DLG2: variants seen among roughly 807,000 people sequenced by gnomAD.
DLG2 encodes the protein disks large homolog 2.
A neutral mutation model predicts 132.5 loss-of-function variants in DLG2; 45 were observed. The ratio of observed to expected loss-of-function variants is 0.34; its 90% CI spans 0.27 to 0.44. The LOEUF (loss-of-function observed/expected upper bound fraction) is 0.44, where lower values mean the gene tolerates loss of function less well. Ranked by LOEUF, DLG2 falls within the 20% of genes least tolerant of loss-of-function variation. The pLI is 1.00. For synonymous variants in DLG2, 424 were observed against 419.6 expected (o/e 1.01, Z -0.13); for missense variants, 1,045 against 1,196.9 (o/e 0.87, Z 1.87).
intron 21 of DLG2, among the ~76,000 whole-genome samples, chr11:83,498,774 CT>C (rs34217800): frequency 0.38 from 54,735 of 143,344 alleles, 10,040 homozygotes; most frequent in Middle Eastern, 0.49. Context: ...GAAGAAAAAT[CT>C]TTTTTTTTTT....
intron 6 of DLG2, among the ~76,000 whole-genome samples, chr11:84,701,964 A>T (rs2059272798): frequency 6.6e-6 from 1 of 150,998 alleles, no homozygotes; most frequent in Non-Finnish European, 1.5e-5. Context: ...CATCCTATGA[A>T]CTCTAATGGA....
At chr11:84,413,000 T>A (rs931597575) in intron 7 of DLG2, among the ~76,000 whole-genome samples, 2 of 152,258 alleles carry the variant, frequency 1.3e-5, no homozygotes, top group East Asian at 3.8e-4. Context: ...TTTCTTAGTA[T>A]GCATGCCTTC....
chr11:83,587,459 T>C (rs1245594413), intron 19 of DLG2, among the ~76,000 whole-genome samples: 1 of 152,102 alleles, frequency 6.6e-6, no homozygotes, highest in Non-Finnish European at 1.5e-5. Flanking sequence ...TTAACAGAGA[T>C]AAGATATTGC....
chr11:84,977,764 C>G lies in DLG2; in HGVS notation c.357+133897G>C, dbSNP rs180752032. On this transcript the variant is annotated intron_variant, in intron 6 of 27. Coordinates refer to ENST00000376104, the MANE Select transcript of DLG2 (RefSeq NM_001142699.3). ...TAACACAGGTTTTGTAAAGGCTATGCCTTAATGCATATATTTAACAGGGAA... is the reference window on the plus strand; with the variant it reads ...TAACACAGGTTTTGTAAAGGCTATGGCTTAATGCATATATTTAACAGGGAA... Among the ~76,000 whole-genome samples the G allele has an allele frequency of 2.1e-3, 318 of 152,150 alleles. 2 individuals are homozygous for G. The highest frequency in any genetic ancestry group is 7.4e-3 in the African/African-American group (309 of 41,492).
At chr11:83,790,845 GAA>G (rs2041341769) in intron 17 of DLG2, 1 of 748,206 alleles carries the variant, frequency 1.3e-6, no homozygotes, top group African/African-American at 1.7e-5. Context: ...CATGGTAGAA[GAA>G]CTGTCCAGAC....
At chr11:84,318,421 A>G (rs1476927568) in intron 7 of DLG2, among the ~76,000 whole-genome samples, 1 of 152,230 alleles carries the variant, frequency 6.6e-6, no homozygotes, top group Non-Finnish European at 1.5e-5. Context: ...AGTACCTAAC[A>G]AAGATTATAT....
At chr11:83,517,482 C>G (rs942594755) in intron 21 of DLG2, among the ~76,000 whole-genome samples, 1 of 152,164 alleles carries the variant, frequency 6.6e-6, no homozygotes, top group African/African-American at 2.4e-5. Flanking sequence ...TTCTTTAGCT[C>G]GGAGTAGTTT....
rs76679561 is a variant in DLG2 at position 85,239,677 on chromosome 11, T to G, written c.186+45543A>C. On this transcript the variant is annotated intron_variant, in intron 4 of 27. Coordinates refer to ENST00000376104, the MANE Select transcript of DLG2 (RefSeq NM_001142699.3). ...TCCTATTTATATAATCTTTTGGGAC[T>G]CCCTTTTTCCCTCAGTATTACATTG... Among the ~76,000 whole-genome samples the G allele has an allele frequency of 6.6e-3, 1,009 of 152,128 alleles. 10 individuals are homozygous for G. Among genetic ancestry groups the G allele is most frequent in the African/African-American group, 0.023 (969 of 41,554 alleles).
At chr11:85,030,069 C>G (rs2060880704) in intron 6 of DLG2, among the ~76,000 whole-genome samples, 1 of 152,208 alleles carries the variant, frequency 6.6e-6, no homozygotes, top group Non-Finnish European at 1.5e-5. Flanking sequence ...ATTGACTGCA[C>G]TGGAGTCTAC....
intron 6 of DLG2, among the ~76,000 whole-genome samples, chr11:85,034,211 G>A (rs60540551): frequency 0.081 from 12,246 of 151,740 alleles, 799 homozygotes; most frequent in Non-Finnish European, 0.1. Flanking sequence ...CCGAGTAGCT[G>A]GGACCACAGG....
At chr11:84,954,985 A>G (rs148101523) in intron 6 of DLG2, among the ~76,000 whole-genome samples, 113 of 152,318 alleles carry the variant, frequency 7.4e-4, no homozygotes, top group African/African-American at 2.6e-3. Flanking sequence ...GATAACCTCT[A>G]TCACAATTAC....
intron 6 of DLG2, among the ~76,000 whole-genome samples, chr11:85,086,273 A>C (rs1309913316): frequency 6.6e-6 from 1 of 152,070 alleles, no homozygotes; most frequent in Non-Finnish European, 1.5e-5. Flanking sequence ...TTACTTATCC[A>C]ATTTCTTTTA....
At chr11:83,531,917 A>G (rs1361530292) in intron 21 of DLG2, among the ~76,000 whole-genome samples, 1 of 148,764 alleles carries the variant, frequency 6.7e-6, no homozygotes, top group Non-Finnish European at 1.5e-5. Context: ...GTATAATTTC[A>G]TTTATATAAA....
intron 7 of DLG2, among the ~76,000 whole-genome samples, chr11:84,489,017 A>C (rs2099157897): frequency 6.6e-6 from 1 of 152,188 alleles, no homozygotes; most frequent in Admixed American, 6.6e-5. Flanking sequence ...TCAGTGCTTA[A>C]GGCTCAGAAA....
chr11:85,126,952 A>G (rs2075183253), intron 5 of DLG2, among the ~76,000 whole-genome samples: 1 of 152,202 alleles, frequency 6.6e-6, no homozygotes, highest in South Asian at 2.1e-4. Flanking sequence ...CTGAACAGGT[A>G]TAAGAATGGG....
intron 15 of DLG2, among the ~76,000 whole-genome samples, chr11:83,893,073 C>T (rs1257846108): frequency 6.6e-6 from 1 of 152,132 alleles, no homozygotes; most frequent in Non-Finnish European, 1.5e-5. Flanking sequence ...CCATCATACT[C>T]CATACCCAAT....
At chr11:83,727,904 A>G (rs1351456994) in intron 18 of DLG2, among the ~76,000 whole-genome samples, 1 of 152,246 alleles carries the variant, frequency 6.6e-6, no homozygotes, top group Non-Finnish European at 1.5e-5. Flanking sequence ...TAAAGGCCAC[A>G]GAACTATTAT....
chr11:84,089,947 C>A (rs10792718), intron 10 of DLG2, among the ~76,000 whole-genome samples: 110,310 of 151,998 alleles, frequency 0.73, 42,378 homozygotes, highest in Middle Eastern at 0.87. Context: ...AGCTCTTCCC[C>A]ATGATGACAT....
At chr11:84,742,049 A>T (rs1202480919) in intron 6 of DLG2, among the ~76,000 whole-genome samples, 1 of 152,056 alleles carries the variant, frequency 6.6e-6, no homozygotes, top group African/African-American at 2.4e-5. Flanking sequence ...AGCTTCAACA[A>T]AATACTAGAC....
Sources: allele counts gnomAD v4.1 joint callset (sites outside exome capture counted in the v4.1 genomes callset), GRCh38; gene constraint gnomAD v4.1.1; transcripts MANE v1.5; gene names NCBI Gene and HGNC (gene_info 2026-07-23, HGNC 2026-07-21).